DLGAP1: variants seen among roughly 807,000 people sequenced by gnomAD.
DLGAP1 encodes the protein disks large-associated protein 1.
DLGAP1 carries 11 observed loss-of-function variants against 90.8 expected under a neutral mutation model. The observed-to-expected ratio is 0.12, with a 90% confidence interval of 0.08 to 0.20. DLGAP1 has a LOEUF of 0.20. Among genes scored for constraint, DLGAP1 ranks in the 10% least tolerant of loss-of-function variants. The probability of loss-of-function intolerance (pLI) is 1.00; values close to 1 mark genes in which losing one functional copy is unlikely to be tolerated. For synonymous variants in DLGAP1, 558 were observed against 540.7 expected, an observed-to-expected ratio of 1.03 and a Z score of -0.44; for missense variants, 1,050 against 1,333.8, an observed-to-expected ratio of 0.79 and a Z score of 3.31.
At chr18:3,564,732 G>A (rs968644324) in intron 9 of DLGAP1, among the ~76,000 whole-genome samples, 5 of 152,206 alleles carry the variant, frequency 3.3e-5, no homozygotes, top group East Asian at 1.9e-4. Flanking sequence ...TACTGCTTAC[G>A]TTTTCTTACC....
chr18:4,313,471 C>G (rs1055505076), intron 1 of DLGAP1, among the ~76,000 whole-genome samples: 3 of 152,118 alleles, frequency 2.0e-5, no homozygotes, highest in Non-Finnish European at 4.4e-5. Flanking sequence ...ATTTTTATTA[C>G]TTAAAACTGC....
intron 1 of DLGAP1, among the ~76,000 whole-genome samples, chr18:4,399,073 G>A (rs1017321202): frequency 6.6e-6 from 1 of 152,080 alleles, no homozygotes; most frequent in South Asian, 2.1e-4. Flanking sequence ...CTTGTGATCC[G>A]CCTGCCTTGG....
At chr18:4,061,942 C>T (rs2075303988) in intron 2 of DLGAP1, among the ~76,000 whole-genome samples, 1 of 152,028 alleles carries the variant, frequency 6.6e-6, no homozygotes, top group Non-Finnish European at 1.5e-5. Context: ...ATGCAGGATG[C>T]TGATAACTTT....
At chr18:4,445,693 C>A (rs2083647700) in intron 1 of DLGAP1, among the ~76,000 whole-genome samples, 1 of 151,970 alleles carries the variant, frequency 6.6e-6, no homozygotes, top group African/African-American at 2.4e-5. Context: ...CAAAAAACAT[C>A]AGCTAATTCA....
intron 2 of DLGAP1, among the ~76,000 whole-genome samples, chr18:4,079,857 G>A (rs1301981311): frequency 6.6e-6 from 1 of 152,088 alleles, no homozygotes; most frequent in Admixed American, 6.6e-5. Context: ...CCTAGGAGTA[G>A]CAATAGACTT....
intron 5 of DLGAP1, among the ~76,000 whole-genome samples, chr18:3,777,065 G>T (rs2064971234): frequency 6.6e-6 from 1 of 152,126 alleles, no homozygotes; most frequent in Non-Finnish European, 1.5e-5. Flanking sequence ...GGGATTATAG[G>T]CGTGAGCTTT....
chr18:4,191,238 C>A (rs563289106), intron 1 of DLGAP1, among the ~76,000 whole-genome samples: 1 of 152,262 alleles, frequency 6.6e-6, no homozygotes, highest in Non-Finnish European at 1.5e-5. Context: ...CATTTCACAA[C>A]TGCATCATGA....
At chr18:3,953,828 C>CTTAAAGG (rs1467784692) in intron 3 of DLGAP1, among the ~76,000 whole-genome samples, 2 of 152,060 alleles carry the variant, frequency 1.3e-5, no homozygotes, top group African/African-American at 4.8e-5. Context: ...GATGGTATGG[C>CTTAAAGG]ATCTGATATT....
chr18:4,380,206 G>T (rs1198227240), intron 1 of DLGAP1, among the ~76,000 whole-genome samples: 1 of 152,124 alleles, frequency 6.6e-6, no homozygotes, highest in African/African-American at 2.4e-5. Flanking sequence ...ACTTCTTGAT[G>T]ATTTCCCAAA....
At position 4,279,594 on chromosome 18, in the gene DLGAP1, C is replaced by G. The variant is rs539540549; in HGVS notation, c.-266-128307G>C. ...TCTGTTTTCCCTCTAGCTCAACAAA[C>G]ACCTGCGTGCCTATATGTCCAATTA... On this transcript the variant is annotated intron_variant, in intron 1 of 12. Coordinates refer to ENST00000315677, the MANE Select transcript of DLGAP1 (RefSeq NM_004746.4). Among the ~76,000 whole-genome samples, 3 of 152,330 alleles carry G rather than the reference C, an allele frequency of 2.0e-5. No homozygotes were observed. In the East Asian group the frequency reaches 5.8e-4, roughly 29 times the overall value.
chr18:4,408,703 TCTCA>T (rs570760449), intron 1 of DLGAP1, among the ~76,000 whole-genome samples: 143 of 151,856 alleles, frequency 9.4e-4, no homozygotes, highest in Middle Eastern at 6.8e-3. Context: ...AAAAATTCAG[TCTCA>T]CTACTAAGGA....
intron 3 of DLGAP1, among the ~76,000 whole-genome samples, chr18:3,910,046 A>T (rs1299376395): frequency 6.6e-6 from 1 of 151,670 alleles, no homozygotes; most frequent in Non-Finnish European, 1.5e-5. Flanking sequence ...AGGAACAGGA[A>T]GTCATCATTT....
intron 1 of DLGAP1, among the ~76,000 whole-genome samples, chr18:4,156,367 T>C (rs1365363404): frequency 1.3e-5 from 2 of 152,186 alleles, no homozygotes; most frequent in Non-Finnish European, 2.9e-5. Context: ...TTAAATAAAA[T>C]AATATATGTA....
At chr18:3,569,894 A>G (rs1013594705) in intron 8 of DLGAP1, among the ~76,000 whole-genome samples, 1 of 152,058 alleles carries the variant, frequency 6.6e-6, no homozygotes, top group African/African-American at 2.4e-5. Context: ...CACATATACA[A>G]TAGTGATCAT....
intron 1 of DLGAP1, among the ~76,000 whole-genome samples, chr18:4,179,908 T>C (rs753758302): frequency 6.6e-6 from 1 of 152,162 alleles, no homozygotes; most frequent in Non-Finnish European, 1.5e-5. Context: ...AAATTGGGCA[T>C]AATGGCATGA....
intron 1 of DLGAP1, among the ~76,000 whole-genome samples, chr18:4,219,027 G>GTTTTTTTTTTTTTTTTTTTTT (rs34333673): frequency 2.2e-5 from 2 of 92,022 alleles, no homozygotes; most frequent in East Asian, 3.2e-4. Flanking sequence ...TTCTATCTTT[G>GTTTTTTTTTTTTTTTTTTTTT]TTTTTTTTTT....
At chr18:3,714,310 A>G (rs1414518372) in intron 7 of DLGAP1, among the ~76,000 whole-genome samples, 1 of 152,178 alleles carries the variant, frequency 6.6e-6, no homozygotes, top group Non-Finnish European at 1.5e-5. Context: ...GAATCACTAC[A>G]AACTACATGC....
intron 7 of DLGAP1, among the ~76,000 whole-genome samples, chr18:3,586,113 A>T (rs1047259926): frequency 6.6e-6 from 1 of 152,164 alleles, no homozygotes; most frequent in Admixed American, 6.5e-5. Flanking sequence ...GACATCTACC[A>T]TGGTTAGACT....
At chr18:3,802,458 T>C (rs1323803185) in intron 5 of DLGAP1, among the ~76,000 whole-genome samples, 2 of 152,216 alleles carry the variant, frequency 1.3e-5, no homozygotes, top group East Asian at 1.9e-4. Flanking sequence ...TAAATACTCT[T>C]CTAATACATC....
Sources: gnomAD v4.1 joint callset for allele counts (sites outside exome capture counted in the v4.1 genomes callset) on GRCh38, gnomAD v4.1.1 for gene constraint, MANE v1.5 for transcripts, NCBI Gene and HGNC (gene_info 2026-07-23, HGNC 2026-07-21) for gene names.